The following CEP70 variants were observed in gnomAD, a reference collection of about 807,000 sequenced individuals.
CEP70 encodes centrosomal protein of 70 kDa.
A neutral mutation model predicts 90.9 loss-of-function variants in CEP70; 70 were observed. The ratio of observed to expected loss-of-function variants is 0.77; its 90% CI spans 0.64 to 0.94. The LOEUF (loss-of-function observed/expected upper bound fraction) is 0.94. CEP70 is among the 40% of genes least tolerant of loss of function. The pLI, the probability that CEP70 is intolerant of heterozygous loss-of-function variation, is 0.00. For synonymous variants in CEP70, 220 were observed against 228.3 expected (o/e 0.96, Z 0.33); for missense variants, 648 against 669.0 (o/e 0.97, Z 0.35).
intron 11 of CEP70, among the ~76,000 whole-genome samples, chr3:138,513,598 AGT>A (rs2035730257): frequency 6.6e-6 from 1 of 152,192 alleles, no homozygotes; most frequent in African/African-American, 2.4e-5. Context: ...AACACTGAAG[AGT>A]CAGCCCTTTT....
intron 3 of CEP70, among the ~76,000 whole-genome samples, chr3:138,572,058 G>A (rs1043882101): frequency 2.9e-5 from 3 of 102,594 alleles, no homozygotes; most frequent in Admixed American, 1.1e-4. Flanking sequence ...GATTACAGGC[G>A]TGAGCCACCG....
Position 138,520,270 on chromosome 3 carries a change from TCAA to T in CEP70, c.944+5217_944+5219del, listed in dbSNP as rs540275186. Among the ~76,000 whole-genome samples, 1,057 of 152,206 alleles carry T rather than the reference TCAA, an allele frequency of 6.9e-3. 15 individuals are homozygous for T. Among genetic ancestry groups the T allele is most frequent in the African/African-American group, 0.024 (986 of 41,514 alleles). ...CACCCCACTGTCAACATTAGACAGA[TCAA>T]CGAGACAGAAAATTAAGAAGGATAT... On this transcript the variant is annotated intron_variant, in intron 11 of 17. Coordinates refer to ENST00000264982, the MANE Select transcript of CEP70 (RefSeq NM_024491.4).
intron 6 of CEP70, among the ~76,000 whole-genome samples, chr3:138,541,636 G>T (rs643620): frequency 0.14 from 21,892 of 152,190 alleles, 2,109 homozygotes; most frequent in South Asian, 0.21. Context: ...TGGTAAAAGT[G>T]AATATACAGA....
chr3:138,537,004 A>C (rs1230281708), intron 7 of CEP70, 174 bp downstream of exon 7: 4 of 277,398 alleles, frequency 1.4e-5, no homozygotes, highest in Non-Finnish European at 2.6e-5. Flanking sequence ...TCTAGAACAA[A>C]AAAAAAAAAA....
intron 6 of CEP70, among the ~76,000 whole-genome samples, chr3:138,546,425 C>G (rs1418374734): frequency 6.6e-6 from 1 of 152,156 alleles, no homozygotes; most frequent in Non-Finnish European, 1.5e-5. Flanking sequence ...GCTTCTATCC[C>G]TCAGTATCCT....
chr3:138,556,223 G>A (rs1309174938), intron 6 of CEP70, among the ~76,000 whole-genome samples: 10 of 152,102 alleles, frequency 6.6e-5, no homozygotes, highest in Non-Finnish European at 1.5e-4. Flanking sequence ...CTATGACAAT[G>A]CAAAGGCATG....
At chr3:138,495,918 A>G (rs2033926799) in intron 17 of CEP70, 1 of 985,418 alleles carries the variant, frequency 1.0e-6, no homozygotes, top group Non-Finnish European at 1.2e-6. Context: ...CTCAAGTACA[A>G]TATATTATAG....
chr3:138,585,337 T>G (rs1357031884), intron 2 of CEP70, among the ~76,000 whole-genome samples: 1 of 151,886 alleles, frequency 6.6e-6, no homozygotes, highest in Non-Finnish European at 1.5e-5. Flanking sequence ...ACTGAACCAA[T>G]GAAGTAAAAC....
intron 2 of CEP70, among the ~76,000 whole-genome samples, chr3:138,591,563 C>T (rs1006673712): frequency 2.0e-5 from 3 of 152,018 alleles, no homozygotes; most frequent in South Asian, 2.1e-4. Flanking sequence ...ACTCAGCTCA[C>T]GAGTTAAAGA....
intron 2 of CEP70, among the ~76,000 whole-genome samples, chr3:138,573,414 G>A (rs1385027686): frequency 6.6e-6 from 1 of 151,394 alleles, no homozygotes; most frequent in Admixed American, 6.6e-5. Context: ...AAAAAAGTCA[G>A]TCATACCTAG....
At chr3:138,514,218 T>C (rs777048053) in intron 11 of CEP70, among the ~76,000 whole-genome samples, 10 of 152,324 alleles carry the variant, frequency 6.6e-5, no homozygotes, top group African/African-American at 2.4e-4. Flanking sequence ...CCTGTCTCTG[T>C]TGGAATTTCG....
intron 6 of CEP70, among the ~76,000 whole-genome samples, chr3:138,554,400 C>G (rs1169598618): frequency 1.3e-5 from 2 of 152,124 alleles, no homozygotes; most frequent in East Asian, 3.9e-4. Flanking sequence ...CTATTGAGAA[C>G]TAGAACAAGA....
chr3:138,589,527 A>T (rs2042271181), intron 2 of CEP70, among the ~76,000 whole-genome samples: 1 of 151,680 alleles, frequency 6.6e-6, no homozygotes, highest in Non-Finnish European at 1.5e-5. Context: ...GTGTGGCAGC[A>T]TACACCTGTA....
At chr3:138,569,764 A>G (rs569549588) in intron 6 of CEP70, among the ~76,000 whole-genome samples, 65 of 152,306 alleles carry the variant, frequency 4.3e-4, no homozygotes, top group African/African-American at 1.5e-3. Context: ...GCTACTCCAG[A>G]GGCTGAGGTG....
chr3:138,581,717 A>G (rs1277154079), intron 2 of CEP70, among the ~76,000 whole-genome samples: 10 of 145,338 alleles, frequency 6.9e-5, no homozygotes, highest in Admixed American at 5.5e-4. Context: ...AAAAAAAAAG[A>G]ATAAGAAAAG....
At chr3:138,569,551 G>A (rs915027689) in intron 6 of CEP70, among the ~76,000 whole-genome samples, 2 of 152,100 alleles carry the variant, frequency 1.3e-5, no homozygotes, top group African/African-American at 4.8e-5. Flanking sequence ...TCTATAAAAA[G>A]AACTCAGTTT....
intron 6 of CEP70, among the ~76,000 whole-genome samples, chr3:138,562,626 A>T (rs2040496415): frequency 6.6e-6 from 1 of 152,238 alleles, no homozygotes; most frequent in African/African-American, 2.4e-5. Context: ...GTGAAGGAGA[A>T]ATAAAATCCT....
intron 6 of CEP70, among the ~76,000 whole-genome samples, chr3:138,556,997 C>T (rs1382246119): frequency 6.6e-6 from 1 of 152,120 alleles, no homozygotes; most frequent in African/African-American, 2.4e-5. Flanking sequence ...CCTAATAAGC[C>T]TGGGAGTGCT....
chr3:138,555,248 CA>C (rs200406072), intron 6 of CEP70, among the ~76,000 whole-genome samples: 72 of 127,148 alleles, frequency 5.7e-4, no homozygotes, highest in Non-Finnish European at 6.5e-4. Flanking sequence ...GACTCCATCT[CA>C]AAAAAAAAAA....
Sources: gnomAD v4.1 joint callset for allele counts (sites outside exome capture counted in the v4.1 genomes callset) on GRCh38, gnomAD v4.1.1 for gene constraint, MANE v1.5 for transcripts, NCBI Gene and HGNC (gene_info 2026-07-23, HGNC 2026-07-21) for gene names.